Variants in SAG observed in about 807,000 individuals in gnomAD.
The protein encoded by SAG is S-arrestin.
SAG carries 45 observed loss-of-function variants against 55.0 expected under a neutral mutation model. The observed-to-expected ratio is 0.82, with a 90% confidence interval of 0.64 to 1.05. The LOEUF is 1.05. Among genes scored for constraint, SAG ranks in the 50% least tolerant of loss-of-function variants. The probability of loss-of-function intolerance (pLI) is 0.00; values close to 1 mark genes in which losing one functional copy is unlikely to be tolerated. For synonymous variants in SAG, 189 were observed against 197.4 expected (o/e 0.96, Z 0.36); for missense variants, 455 against 512.1 (o/e 0.89, Z 1.08).
chr2:233,316,021 A>C, intron 2 of SAG, 54 bp from the exon 3 acceptor site: 2 of 1,083,742 alleles, frequency 1.8e-6, no homozygotes, highest in Non-Finnish European at 2.8e-6. Flanking sequence ...TTTATCATGG[A>C]TGCCTTAGCT....
In SAG at chr2:233,312,821, C is replaced by T. The variant is rs541308675; in HGVS notation, c.76-3254C>T. ...GCCTCCTCTGAAAGCAAGAGCCTTC[C>T]CTCTCTCCTTCCCTCCTCAGTGCCC... On this transcript the variant is annotated intron_variant, in intron 2 of 15. Transcript: ENST00000409110. 2.6e-5 allele frequency among the ~76,000 whole-genome samples: 4 copies of T among 152,292 alleles called. No individual in the cohort carries two copies. The East Asian group carries it at 5.8e-4, about 22-fold the overall frequency.
At chr2:233,334,639 C>G (rs1700866122) in intron 10 of SAG, 2 of 244,166 alleles carry the variant, frequency 8.2e-6, no homozygotes, top group South Asian at 1.4e-4. Context: ...CCGTGTGGTT[C>G]ACAAAGTCTC....
At chr2:233,318,523 A>T (rs2125325999) in intron 3 of SAG, among the ~76,000 whole-genome samples, 1 of 152,234 alleles carries the variant, frequency 6.6e-6, no homozygotes, top group African/African-American at 2.4e-5. Flanking sequence ...ATGGGCCACC[A>T]CACCTGACCT....
rs376625094 is a variant in SAG, at chr2:233,340,431, C to G, written c.1023-24C>G. 3.1e-6 allele frequency: 5 copies of G among 1,607,818 alleles called. No homozygotes were observed. The highest frequency in any genetic ancestry group is 4.3e-6 in the Non-Finnish European group (5 of 1,176,166). ...GTGTTACCACTGTGACAGTTAACGA[C>G]AGGCGTTTGTTTGTGTTTTCTAGCT... On this transcript the variant is annotated intron_variant, in intron 12 of 15. Transcript: ENST00000409110. The surrounding 1 kb of genome is among the most constrained non-coding windows in gnomAD (Gnocchi z 4.2).
rs1700587864 is a variant in SAG, at chr2:233,327,194, A to C, written c.509A>C (p.Lys170Thr). Reference protein sequence around the residue: ...STDAEEDKIPKKSSVRLLIRK... With the variant: ...STDAEEDKIPTKSSVRLLIRK... Reference sequence around the variant, plus strand: ...GATGCCGAAGAGGACAAAATCCCCAAGAAGTAAGAGTATGGTTGCGGAATA... The same window carrying C: ...GATGCCGAAGAGGACAAAATCCCCACGAAGTAAGAGTATGGTTGCGGAATA... The change falls in exon 7 of 16, where the codon AAG (lysine) becomes ACG (threonine). Residue 170 changes from lysine (K) to threonine (T), a missense_variant. Coordinates refer to ENST00000409110, the MANE Select transcript of SAG (RefSeq NM_000541.5). 6.2e-7 allele frequency: 1 copy of C among 1,613,212 alleles called. No individual in the cohort carries two copies. Among genetic ancestry groups the C allele is most frequent in the South Asian group, 1.1e-5 (1 of 91,060 alleles).
At chr2:233,318,692 A>G in intron 3 of SAG, 59 bp from the exon 4 acceptor site, 1 of 1,381,562 alleles carries the variant, frequency 7.2e-7, no homozygotes. Context: ...TTTTTAAAGT[A>G]GGTGTCTGGT....
At chr2:233,323,151 TG>T in intron 6 of SAG, 146 bp downstream of exon 6, 1 of 658,610 alleles carries the variant, frequency 1.5e-6, no homozygotes, top group Admixed American at 2.9e-5. Flanking sequence ...CTGTGGTTTC[TG>T]GGCTCAAGTG....
intron 3 of SAG, 30 bp from the exon 4 acceptor site, chr2:233,318,721 C>G: frequency 6.2e-7 from 1 of 1,606,540 alleles, no homozygotes; most frequent in South Asian, 1.1e-5. Context: ...TCTTCTCCAC[C>G]CTCACTGCTC....
At chr2:233,324,550 T>C (rs777832488) in intron 6 of SAG, among the ~76,000 whole-genome samples, 3 of 152,228 alleles carry the variant, frequency 2.0e-5, no homozygotes, top group Non-Finnish European at 4.4e-5. Context: ...TGACAGGCGC[T>C]GACTTTCCAA....
chr2:233,326,995 T>C (rs969538599), intron 6 of SAG, 126 bp from the exon 7 acceptor site: 2 of 705,800 alleles, frequency 2.8e-6, no homozygotes, highest in Non-Finnish European at 5.1e-6. Context: ...CAACCCCGAA[T>C]AGGACATGGC....
At position 233,316,558 on chromosome 2, in the gene SAG, G is replaced by A. The variant is rs552814388; in HGVS notation, c.136+423G>A. On this transcript the variant is annotated intron_variant, in intron 3 of 15. Coordinates refer to ENST00000409110, the MANE Select transcript of SAG (RefSeq NM_000541.5). ...ACTCCTGACCTCAGGTGATCCGCCC[G>A]CCTCGGCCTCCCAAAGTGCTGGGAT... 1.7e-3 allele frequency among the ~76,000 whole-genome samples: 262 copies of A among 152,204 alleles called. 1 individual carries two copies. Among genetic ancestry groups the A allele is most frequent in the African/African-American group, 5.9e-3 (245 of 41,526 alleles).
intron 3 of SAG, among the ~76,000 whole-genome samples, chr2:233,317,764 T>C (rs1700250566): frequency 6.6e-6 from 1 of 152,208 alleles, no homozygotes; most frequent in Non-Finnish European, 1.5e-5. Flanking sequence ...GAGTAATACA[T>C]AGCTATTAAA....
chr2:233,309,552 C>T lies in SAG; in HGVS notation c.75+288C>T, dbSNP rs186272735. ...ATCCCAGACTTGGGAGGCTGAGGCACAAGAATCACTTGAACCCAGGAGGTA... is the reference window on the plus strand; with the variant it reads ...ATCCCAGACTTGGGAGGCTGAGGCATAAGAATCACTTGAACCCAGGAGGTA... On this transcript the variant is annotated intron_variant, in intron 2 of 15. Coordinates refer to ENST00000409110, the MANE Select transcript of SAG (RefSeq NM_000541.5). Among the ~76,000 whole-genome samples the T allele has an allele frequency of 4.3e-4, 66 of 152,158 alleles. 1 individual carries two copies. The highest frequency in any genetic ancestry group is 8.2e-4 in the Non-Finnish European group (56 of 67,998).
At chr2:233,330,675 C>T (rs6727660) in intron 9 of SAG, among the ~76,000 whole-genome samples, 4,650 of 151,942 alleles carry the variant, frequency 0.031, 259 homozygotes, top group African/African-American at 0.11. Context: ...GGATTACAGG[C>T]GTGCACCAAT....
chr2:233,317,987 C>T lies in SAG; in HGVS notation c.137-764C>T, dbSNP rs372453890. ...ATGTCTGGAAAAAAATTTTTTTTGT[C>T]GGGGGTGTGGGACAGTGTCTCTATC... On this transcript the variant is annotated intron_variant, in intron 3 of 15. Transcript: ENST00000409110. Among the ~76,000 whole-genome samples the T allele has an allele frequency of 6.6e-5, 10 of 151,922 alleles. No homozygotes were observed. The East Asian group carries it at 1.4e-3, about 21-fold the overall frequency.
intron 7 of SAG, 79 bp from the exon 8 acceptor site, chr2:233,328,399 G>A (rs978281054): frequency 3.3e-6 from 5 of 1,509,936 alleles, no homozygotes; most frequent in Middle Eastern, 3.5e-4. Flanking sequence ...ATCTCCATGT[G>A]ACAGTGGGGA....
intron 2 of SAG, among the ~76,000 whole-genome samples, chr2:233,309,638 C>G (rs1022092681): frequency 6.6e-6 from 1 of 150,984 alleles, no homozygotes; most frequent in East Asian, 2.0e-4. Flanking sequence ...GAGGGAGACT[C>G]TGTCTCAAAT....
rs765920100 is a variant in SAG, at chr2:233,340,480, T to A, written c.1046+2T>A. ...CTTTCTGGGAGAGCTCACCTCCAGG[T>A]AAGCCTGTTCACCTTCCTTGTTTGA... On this transcript the variant is annotated splice_donor_variant, in intron 13 of 15. Transcript: ENST00000409110. LOFTEE classifies it high-confidence loss of function. This position sits in a 1 kb window ranked among gnomAD's most constrained non-coding sequence, Gnocchi z 4.2. 1 of 1,609,960 alleles carries A rather than the reference T, an allele frequency of 6.2e-7. No homozygotes were observed. Among genetic ancestry groups the A allele is most frequent in the South Asian group, 1.1e-5 (1 of 90,290 alleles).
chr2:233,308,971 A>C, intron 1 of SAG, 191 bp from the exon 2 acceptor site: 1 of 476,910 alleles, frequency 2.1e-6, no homozygotes, highest in Non-Finnish European at 3.8e-6. Context: ...AAACACCCCA[A>C]AGCATGCTGC....
Sources: gnomAD v4.1 joint callset for allele counts (sites outside exome capture counted in the v4.1 genomes callset) on GRCh38, gnomAD v4.1.1 for gene constraint, Gnocchi (gnomAD v3.1) non-coding constraint, MANE v1.5 for transcripts, NCBI Gene and HGNC (gene_info 2026-07-23, HGNC 2026-07-21) for gene names.